The following WDR7 variants were observed in gnomAD, a reference collection of about 807,000 sequenced individuals.
WDR7 encodes the protein WD repeat domain 7, also known as WD repeat-containing protein 7.
A neutral mutation model predicts 169.4 loss-of-function variants in WDR7; 46 were observed. The ratio of observed to expected loss-of-function variants is 0.27; its 90% CI spans 0.21 to 0.35. WDR7 has a LOEUF of 0.35. WDR7 is among the 10% of genes least tolerant of loss of function. WDR7 has a pLI of 1.00. For synonymous variants in WDR7, 612 were observed against 666.8 expected (o/e 0.92, Z 1.27); for missense variants, 1,534 against 1,859.3 (o/e 0.83, Z 3.22).
chr18:56,937,625 T>C (rs2046978067), intron 23 of WDR7, among the ~76,000 whole-genome samples: 1 of 152,226 alleles, frequency 6.6e-6, no homozygotes, highest in Admixed American at 6.5e-5. Context: ...TGTATATTAT[T>C]TGCCATGCTC....
At chr18:57,010,909 T>C (rs187910536) in intron 26 of WDR7, among the ~76,000 whole-genome samples, 1 of 152,310 alleles carries the variant, frequency 6.6e-6, no homozygotes, top group African/African-American at 2.4e-5. Flanking sequence ...TCAGTACCTA[T>C]TTTTTAGAGT....
intron 25 of WDR7, among the ~76,000 whole-genome samples, chr18:56,951,661 T>C (rs2047185082): frequency 6.6e-6 from 1 of 152,196 alleles, no homozygotes; most frequent in Admixed American, 6.5e-5. Context: ...TTAAGCTACA[T>C]ATATACTGTA....
At chr18:56,753,984 A>G (rs865803599) in intron 14 of WDR7, among the ~76,000 whole-genome samples, 1 of 152,158 alleles carries the variant, frequency 6.6e-6, no homozygotes, top group African/African-American at 2.4e-5. Context: ...ATTAGATTGT[A>G]TATGATTATA....
intron 21 of WDR7, among the ~76,000 whole-genome samples, chr18:56,895,094 A>G (rs2046312958): frequency 6.6e-6 from 1 of 151,844 alleles, no homozygotes; most frequent in South Asian, 2.1e-4. Flanking sequence ...TATTCTAACA[A>G]GTAGCATGTT....
intron 20 of WDR7, among the ~76,000 whole-genome samples, chr18:56,862,451 A>G (rs80315788): frequency 0.016 from 2,379 of 151,624 alleles, 78 homozygotes; most frequent in African/African-American, 0.055. Context: ...TACTCACTAC[A>G]TTTTAAGAAA....
chr18:56,732,878 T>C (rs1252461132), intron 14 of WDR7, among the ~76,000 whole-genome samples: 1 of 152,172 alleles, frequency 6.6e-6, no homozygotes, highest in Non-Finnish European at 1.5e-5. Context: ...AAACAATATG[T>C]TTAAGAGCAT....
At chr18:56,767,960 A>T (rs1488807145) in intron 16 of WDR7, among the ~76,000 whole-genome samples, 2 of 152,160 alleles carry the variant, frequency 1.3e-5, no homozygotes, top group African/African-American at 4.8e-5. Context: ...TTCAATATTT[A>T]TTTCTGTTAG....
At chr18:56,977,160 A>G (rs1179656936) in intron 26 of WDR7, among the ~76,000 whole-genome samples, 9 of 152,172 alleles carry the variant, frequency 5.9e-5, no homozygotes, top group Admixed American at 5.9e-4. Context: ...CATTTTAACT[A>G]CTCAATAAAT....
intron 12 of WDR7, among the ~76,000 whole-genome samples, chr18:56,699,453 A>G (rs530416903): frequency 6.6e-6 from 1 of 152,342 alleles, no homozygotes; most frequent in South Asian, 2.1e-4. Context: ...TTGATCAGCT[A>G]ATTGTAGTTG....
At chr18:57,021,098 A>G (rs562333562) in intron 27 of WDR7, among the ~76,000 whole-genome samples, 5 of 152,380 alleles carry the variant, frequency 3.3e-5, no homozygotes, top group Admixed American at 6.5e-5. Flanking sequence ...GTAGACATAC[A>G]TAAATAAGCA....
intron 20 of WDR7, among the ~76,000 whole-genome samples, chr18:56,858,380 G>A (rs1224960739): frequency 3.9e-5 from 6 of 152,184 alleles, no homozygotes; most frequent in South Asian, 2.1e-4. Flanking sequence ...AAAAATTTCC[G>A]TGGCTTGTCA....
intron 16 of WDR7, among the ~76,000 whole-genome samples, chr18:56,759,944 G>A (rs1185466896): frequency 6.6e-6 from 1 of 152,094 alleles, no homozygotes; most frequent in East Asian, 1.9e-4. Flanking sequence ...GTTAGGCACT[G>A]TCAGATGGTT....
chr18:56,694,782 C>T, intron 10 of WDR7, 22 bp downstream of exon 10: 1 of 1,586,954 alleles, frequency 6.3e-7, no homozygotes, highest in African/African-American at 1.4e-5. Context: ...TCATGTGTAA[C>T]AATTTCTTAA....
chr18:56,725,474 T>C (rs2026427472), intron 13 of WDR7, among the ~76,000 whole-genome samples: 1 of 152,316 alleles, frequency 6.6e-6, no homozygotes, highest in African/African-American at 2.4e-5. Flanking sequence ...TCTGTTCATA[T>C]ACTTTGCCCA....
At position 56,674,553 on chromosome 18, in the gene WDR7, A is replaced by G. The variant is rs558879495; in HGVS notation, c.159+1879A>G. Among the ~76,000 whole-genome samples, 74 of 152,252 alleles carry G rather than the reference A, an allele frequency of 4.9e-4. No individual in the cohort carries two copies. In the South Asian group the frequency reaches 0.015, roughly 31 times the overall value. ...TATTATTGAATCGTAAAAATTCTTC[A>G]TATATTCTAGATACAAATCCCTTAA... On this transcript the variant is annotated intron_variant, in intron 2 of 27. Coordinates refer to ENST00000254442, the MANE Select transcript of WDR7 (RefSeq NM_015285.3).
chr18:56,988,590 A>AGT (rs71171009), intron 26 of WDR7, among the ~76,000 whole-genome samples: 11,251 of 142,532 alleles, frequency 0.079, 815 homozygotes, highest in African/African-American at 0.19. Flanking sequence ...ATGGAAGGCA[A>AGT]GTGTGTGTGT....
At chr18:56,756,408 A>G (rs1348785515) in intron 14 of WDR7, among the ~76,000 whole-genome samples, 175 bp from the exon 15 acceptor site, 1 of 152,136 alleles carries the variant, frequency 6.6e-6, no homozygotes, top group African/African-American at 2.4e-5. Flanking sequence ...GTGTAAGCTG[A>G]TATCTTTTAC....
intron 26 of WDR7, among the ~76,000 whole-genome samples, chr18:57,005,857 G>T (rs1274624515): frequency 6.6e-6 from 1 of 152,148 alleles, no homozygotes; most frequent in Non-Finnish European, 1.5e-5. Flanking sequence ...TTATGAATTT[G>T]TGTTGGGCCA....
intron 26 of WDR7, among the ~76,000 whole-genome samples, chr18:57,001,967 C>G (rs1024100400): frequency 1.3e-5 from 2 of 152,082 alleles, no homozygotes; most frequent in Non-Finnish European, 2.9e-5. Flanking sequence ...ATTCTTTAAC[C>G]ATGTTAAATA....
Sources: allele counts gnomAD v4.1 joint callset (sites outside exome capture counted in the v4.1 genomes callset), GRCh38; gene constraint gnomAD v4.1.1; transcripts MANE v1.5; gene names NCBI Gene and HGNC (gene_info 2026-07-23, HGNC 2026-07-21).